The following TECPR2 variants were observed in gnomAD, a reference collection of about 807,000 sequenced individuals.
TECPR2 encodes the protein tectonin beta-propeller repeat-containing protein 2.
A neutral mutation model predicts 138.1 loss-of-function variants in TECPR2; 65 were observed. That is an observed-to-expected ratio of 0.47 (90% confidence interval 0.39 to 0.58). The LOEUF (loss-of-function observed/expected upper bound fraction) is 0.58, where lower values mean the gene tolerates loss of function less well. Among genes scored for constraint, TECPR2 ranks in the 20% least tolerant of loss-of-function variants. TECPR2 has a pLI of 0.00. For missense variants in TECPR2, 1,553 were observed against 1,824.5 expected, an observed-to-expected ratio of 0.85 and a Z score of 2.71; for synonymous variants, 746 against 749.8, an observed-to-expected ratio of 0.99 and a Z score of 0.08.
At chr14:102,376,619 A>G in intron 1 of TECPR2, 31 bp from the exon 2 acceptor site, 2 of 1,022,178 alleles carry the variant, frequency 2.0e-6, no homozygotes, top group South Asian at 1.4e-5. Context: ...ATGACTAGGC[A>G]TTGAAAGGAT....
At chr14:102,413,113 A>G (rs1444433747) in intron 4 of TECPR2, among the ~76,000 whole-genome samples, 1 of 151,958 alleles carries the variant, frequency 6.6e-6, no homozygotes, top group East Asian at 1.9e-4. Context: ...GGTTTGCAAC[A>G]TTTTCATGTA....
intron 2 of TECPR2, among the ~76,000 whole-genome samples, chr14:102,392,950 A>G (rs1597780359): frequency 1.3e-5 from 2 of 152,324 alleles, no homozygotes; most frequent in South Asian, 4.1e-4. Context: ...TCAATGCTTG[A>G]GATAAGACAG....
At position 102,435,088 on chromosome 14, in the gene TECPR2, C is replaced by T. The variant is rs769790515; in HGVS notation, c.2271C>T (p.Ile757=). ...TGACGTCCAGCGATGAGGAGGACATCTATGCCCACGGGCTTCCTTCTTCAT... is the reference window on the plus strand; with the variant it reads ...TGACGTCCAGCGATGAGGAGGACATTTATGCCCACGGGCTTCCTTCTTCAT... The part of the protein sequence containing the change: ...QTLTSSDEED[I]YAHGLPSSSS... The change falls in exon 9 of 20, where the codon ATC becomes ATT. Residue 757 remains isoleucine, a synonymous_variant. Coordinates refer to ENST00000359520, the MANE Select transcript of TECPR2 (RefSeq NM_014844.5). 6.2e-7 allele frequency: 1 copy of T among 1,613,940 alleles called. No individual in the cohort carries two copies. The highest frequency in any genetic ancestry group is 1.1e-5 in the South Asian group (1 of 91,076).
At chr14:102,387,385 T>A (rs17779722) in intron 2 of TECPR2, among the ~76,000 whole-genome samples, 4,144 of 152,300 alleles carry the variant, frequency 0.027, 76 homozygotes, top group Middle Eastern at 0.085. Flanking sequence ...GTGTTAAATA[T>A]ATAGGTCTGA....
intron 2 of TECPR2, among the ~76,000 whole-genome samples, chr14:102,379,107 G>A (rs1405957761): frequency 6.6e-6 from 1 of 152,104 alleles, no homozygotes; most frequent in Non-Finnish European, 1.5e-5. Flanking sequence ...TTATAAGGAA[G>A]ACTCGTGAAT....
In TECPR2 at chr14:102,450,669, A is replaced by G; in HGVS notation, c.3406+20A>G. On this transcript the variant is annotated intron_variant, in intron 15 of 19. Coordinates refer to ENST00000359520, the MANE Select transcript of TECPR2 (RefSeq NM_014844.5). ...AGGAAGGTGGGTCAGTCTTAGCCTC[A>G]CTGAAGAATCTAGAGCACAGCTTGG... The G allele has an allele frequency of 6.2e-7, 1 of 1,612,308 alleles. No individual in the cohort carries two copies. Among genetic ancestry groups the G allele is most frequent in the Non-Finnish European group, 8.5e-7 (1 of 1,178,500 alleles).
rs181802755 is a variant in TECPR2, at chr14:102,433,031, T to C, written c.1417+903T>C. The stretch of plus-strand genomic sequence containing the variant: ...AAAAAAAAAAAAAAAAGTGTTGGTT[T>C]ATCCATGTATACCATTGATTAAATC... On this transcript the variant is annotated intron_variant, in intron 8 of 19. Transcript: ENST00000359520. Among the ~76,000 whole-genome samples, 89 of 152,070 alleles carry C rather than the reference T, an allele frequency of 5.9e-4. 2 individuals carry two copies. The highest frequency in any genetic ancestry group is 2.1e-3 in the African/African-American group (86 of 41,514).
At chr14:102,468,688 C>T (rs796398791) in intron 17 of TECPR2, among the ~76,000 whole-genome samples, 3 of 152,126 alleles carry the variant, frequency 2.0e-5, no homozygotes, top group South Asian at 2.1e-4. Flanking sequence ...TTGCCTAATC[C>T]AAGGTCACAA....
At chr14:102,399,391 A>G (rs576606764) in intron 2 of TECPR2, among the ~76,000 whole-genome samples, 11 of 152,308 alleles carry the variant, frequency 7.2e-5, no homozygotes, top group South Asian at 2.1e-4. Flanking sequence ...GTCCTTCAGA[A>G]ATGAAAAAGA....
In TECPR2 at chr14:102,434,691, A is replaced by G. The variant is rs573572751; in HGVS notation, c.1874A>G (p.His625Arg). Residue 625 changes from histidine (H) to arginine (R), a missense_variant, in exon 9 of 20, where the codon CAT becomes CGT. Transcript: ENST00000359520. ...GAACAGGACAGCTCTCCTGGGGCGCATGATGGGGAAGACATCCAACCCATT... is the reference window on the plus strand; with the variant it reads ...GAACAGGACAGCTCTCCTGGGGCGCGTGATGGGGAAGACATCCAACCCATT... ...FQEQDSSPGA[H>R]DGEDIQPIGP... The G allele has an allele frequency of 1.9e-6, 3 of 1,613,376 alleles. No individual in the cohort carries two copies. The highest frequency in any genetic ancestry group is 2.7e-5 in the African/African-American group (2 of 75,062).
chr14:102,495,292 C>T (rs1891250773), intron 17 of TECPR2, among the ~76,000 whole-genome samples: 1 of 152,154 alleles, frequency 6.6e-6, no homozygotes, highest in Non-Finnish European at 1.5e-5. Context: ...CTGTGCCTGT[C>T]AGTGTTTTGG....
At chr14:102,438,491 T>A in intron 10 of TECPR2, 1 of 333,612 alleles carries the variant, frequency 3.0e-6, no homozygotes, top group Non-Finnish European at 5.4e-6. Flanking sequence ...TTTTGTAAGC[T>A]AGACAAAAAG....
chr14:102,474,087 G>A (rs35348258), intron 17 of TECPR2, among the ~76,000 whole-genome samples: 28,210 of 151,870 alleles, frequency 0.19, 3,221 homozygotes, highest in Non-Finnish European at 0.27. Flanking sequence ...GTGAGACCCC[G>A]TCTCTACAGG....
chr14:102,385,120 G>T (rs562963110), intron 2 of TECPR2, among the ~76,000 whole-genome samples: 2 of 152,122 alleles, frequency 1.3e-5, no homozygotes, highest in South Asian at 4.1e-4. Context: ...CCCTCCCAAA[G>T]TGCTGGAATT....
chr14:102,464,805 A>G (rs1351229232), intron 16 of TECPR2, among the ~76,000 whole-genome samples: 2 of 152,284 alleles, frequency 1.3e-5, no homozygotes, highest in East Asian at 3.9e-4. Flanking sequence ...ACATTGAGAT[A>G]CTAATCCCAG....
At chr14:102,373,552 C>T (rs1841480143) in intron 1 of TECPR2, among the ~76,000 whole-genome samples, 1 of 152,154 alleles carries the variant, frequency 6.6e-6, no homozygotes, top group African/African-American at 2.4e-5. Flanking sequence ...TGTATTGTGA[C>T]TTATCTTTTC....
chr14:102,421,899 G>T (rs1386941633), intron 5 of TECPR2, among the ~76,000 whole-genome samples: 1 of 152,168 alleles, frequency 6.6e-6, no homozygotes, highest in Non-Finnish European at 1.5e-5. Context: ...AACCAGTGCT[G>T]TTTCTGCTTT....
At chr14:102,370,076 CT>C (rs1021059658) in intron 1 of TECPR2, among the ~76,000 whole-genome samples, 53 of 146,590 alleles carry the variant, frequency 3.6e-4, no homozygotes, top group Non-Finnish European at 3.9e-4. Flanking sequence ...TGAGGAATAA[CT>C]TTTTTTTTTT....
chr14:102,370,802 G>T (rs1287884384), intron 1 of TECPR2, among the ~76,000 whole-genome samples: 1 of 152,156 alleles, frequency 6.6e-6, no homozygotes, highest in Non-Finnish European at 1.5e-5. Flanking sequence ...CAGGTGAGAG[G>T]TAATGGTGGC....
Sources: allele counts gnomAD v4.1 joint callset (sites outside exome capture counted in the v4.1 genomes callset), GRCh38; gene constraint gnomAD v4.1.1; transcripts MANE v1.5; gene names NCBI Gene and HGNC (gene_info 2026-07-23, HGNC 2026-07-21).